MACROD2: variants seen among roughly 807,000 people sequenced by gnomAD.
MACROD2 encodes the protein ADP-ribose glycohydrolase MACROD2.
In MACROD2, 36 loss-of-function variants were observed where a neutral mutation model predicts 70.4. That is an observed-to-expected ratio of 0.51 (90% confidence interval 0.39 to 0.68). The LOEUF is 0.68. Ranked by LOEUF, MACROD2 falls within the 30% of genes least tolerant of loss-of-function variation. The pLI, the probability that MACROD2 is intolerant of heterozygous loss-of-function variation, is 0.00. For synonymous variants in MACROD2, 172 were observed against 178.8 expected, an observed-to-expected ratio of 0.96 and a Z score of 0.30; for missense variants, 496 against 538.4, an observed-to-expected ratio of 0.92 and a Z score of 0.78.
At chr20:14,165,651 T>C (rs1209270942) in intron 3 of MACROD2, among the ~76,000 whole-genome samples, 2 of 152,234 alleles carry the variant, frequency 1.3e-5, no homozygotes, top group Non-Finnish European at 2.9e-5. Context: ...TTTCCTAACA[T>C]TGAAATGTGT....
At chr20:15,672,807 C>T (rs1301243348) in intron 8 of MACROD2, among the ~76,000 whole-genome samples, 1 of 152,166 alleles carries the variant, frequency 6.6e-6, no homozygotes, top group African/African-American at 2.4e-5. Context: ...CCACCCAAAT[C>T]TCATCTTGAA....
chr20:14,159,075 A>G (rs1161607532), intron 3 of MACROD2, among the ~76,000 whole-genome samples: 2 of 152,060 alleles, frequency 1.3e-5, no homozygotes, highest in African/African-American at 4.8e-5. Flanking sequence ...CATCTCTACT[A>G]AAAATACAAA....
At chr20:14,266,202 T>C (rs932729179) in intron 3 of MACROD2, among the ~76,000 whole-genome samples, 29 of 152,214 alleles carry the variant, frequency 1.9e-4, no homozygotes, top group African/African-American at 6.8e-4. Flanking sequence ...CCTAACTCTT[T>C]TGTTAAGTAT....
chr20:15,816,926 A>C (rs1476221995), intron 8 of MACROD2, among the ~76,000 whole-genome samples: 1 of 152,230 alleles, frequency 6.6e-6, no homozygotes, highest in Non-Finnish European at 1.5e-5. Context: ...CTAATGGCTT[A>C]AATGAGGTGC....
At position 14,535,467 on chromosome 20, in the gene MACROD2, T is replaced by C. The variant is rs539313200; in HGVS notation, c.301+41959T>C. On this transcript the variant is annotated intron_variant, in intron 4 of 17. Transcript: ENST00000684519. ...TTGCAGTGAGCCGAGATGGCGCCAT[T>C]GTACTCCAGCCTGTGCAACAAGAGT... Among the ~76,000 whole-genome samples the C allele has an allele frequency of 1.3e-3, 181 of 144,522 alleles. 1 individual carries two copies. Among genetic ancestry groups the C allele is most frequent in the Non-Finnish European group, 2.3e-3 (153 of 67,230 alleles). 94.8% of individuals were successfully genotyped at this position (144,522 alleles called of 152,430 possible).
rs557801313 is a variant in MACROD2, at chr20:16,046,952, G to A, written c.1300+2313G>A. Among the ~76,000 whole-genome samples the A allele has an allele frequency of 2.0e-5, 3 of 152,182 alleles. No individual in the cohort carries two copies. The East Asian group carries it at 5.8e-4, about 29-fold the overall frequency. On this transcript the variant is annotated intron_variant, in intron 17 of 17. Coordinates refer to ENST00000684519, the MANE Select transcript of MACROD2 (RefSeq NM_001351661.2). Reference sequence around the variant, plus strand: ...TTGCCTCGGCCTCCCAAAGTGCTGGGATTAAAGGCCAGGTATCAAAACTTA... The same window carrying A: ...TTGCCTCGGCCTCCCAAAGTGCTGGAATTAAAGGCCAGGTATCAAAACTTA...
chr20:14,645,964 G>T (rs538915547), intron 4 of MACROD2, among the ~76,000 whole-genome samples: 36 of 151,220 alleles, frequency 2.4e-4, no homozygotes, highest in African/African-American at 8.0e-4. Context: ...TTTTTTATTA[G>T]AAATAACTTG....
At chr20:15,595,039 T>C (rs530669166) in intron 8 of MACROD2, among the ~76,000 whole-genome samples, 1 of 152,372 alleles carries the variant, frequency 6.6e-6, no homozygotes, top group African/African-American at 2.4e-5. Context: ...TTTTTGAGCT[T>C]GATACCAATC....
At chr20:15,191,798 A>G (rs952050430) in intron 5 of MACROD2, among the ~76,000 whole-genome samples, 2 of 152,122 alleles carry the variant, frequency 1.3e-5, no homozygotes, top group Non-Finnish European at 2.9e-5. Context: ...CAGCTCAAGG[A>G]TTAGGCAGGA....
intron 5 of MACROD2, among the ~76,000 whole-genome samples, chr20:14,980,207 CTA>C (rs2074784367): frequency 6.6e-6 from 1 of 152,138 alleles, no homozygotes; most frequent in Admixed American, 6.6e-5. Flanking sequence ...CATGAGAACT[CTA>C]TCTCATGAAT....
At chr20:15,499,744 T>A (rs1319143509) in intron 7 of MACROD2, 30 bp from the exon 8 acceptor site, 1 of 1,609,946 alleles carries the variant, frequency 6.2e-7, no homozygotes, top group South Asian at 1.1e-5. Context: ...TCTTTCGTTG[T>A]TCATTTGTTT....
chr20:15,540,495 G>A (rs935116423), intron 8 of MACROD2, among the ~76,000 whole-genome samples: 11 of 152,276 alleles, frequency 7.2e-5, no homozygotes, highest in African/African-American at 2.6e-4. Flanking sequence ...CCAAGGACAA[G>A]ACTTTGAATG....
At chr20:15,935,680 A>T (rs1383787307) in intron 11 of MACROD2, among the ~76,000 whole-genome samples, 1 of 152,238 alleles carries the variant, frequency 6.6e-6, no homozygotes, top group Non-Finnish European at 1.5e-5. Flanking sequence ...CAAAAAATTT[A>T]ACAAATACAT....
chr20:15,189,373 C>G (rs987819714), intron 5 of MACROD2, among the ~76,000 whole-genome samples: 1 of 151,838 alleles, frequency 6.6e-6, no homozygotes, highest in East Asian at 1.9e-4. Flanking sequence ...TGTATGTACA[C>G]GCACATACAC....
At chr20:14,295,191 G>T (rs978203368) in intron 3 of MACROD2, among the ~76,000 whole-genome samples, 3 of 151,852 alleles carry the variant, frequency 2.0e-5, no homozygotes, top group Admixed American at 6.6e-5. Context: ...TTTAAATTCA[G>T]CTTGGAAACA....
In MACROD2 at chr20:15,520,593, C is replaced by G. The variant is rs191159487; in HGVS notation, c.645+20746C>G. Among the ~76,000 whole-genome samples, 425 of 152,264 alleles carry G rather than the reference C, an allele frequency of 2.8e-3. 2 individuals carry two copies. Among genetic ancestry groups the G allele is most frequent in the African/African-American group, 9.8e-3 (408 of 41,550 alleles). On this transcript the variant is annotated intron_variant, in intron 8 of 17. Transcript: ENST00000684519. ...AGATTCCCTCTAGTAACAAAGACCC[C>G]CAACTGCCATGACAATTAATCCTGT...
intron 3 of MACROD2, among the ~76,000 whole-genome samples, chr20:14,243,817 A>G (rs2081947987): frequency 6.6e-6 from 1 of 152,208 alleles, no homozygotes; most frequent in Non-Finnish European, 1.5e-5. Flanking sequence ...CTTAGTGTAC[A>G]TGTTAGGAAA....
In MACROD2 at chr20:14,764,229, C is replaced by T. The variant is rs2072054863; in HGVS notation, c.418+79270C>T. On this transcript the variant is annotated intron_variant, in intron 5 of 17. Transcript: ENST00000684519. ...CCCATTTCTGGCAGAGGCTGTATTC[C>T]TCCAGGACTATGGTCCTGTCCAGAG... Among the ~76,000 whole-genome samples, 3 of 152,076 alleles carry T rather than the reference C, an allele frequency of 2.0e-5. No individual in the cohort carries two copies. The South Asian group carries it at 6.2e-4, about 32-fold the overall frequency.
At chr20:14,925,134 T>TTTTTG (rs2074214242) in intron 5 of MACROD2, among the ~76,000 whole-genome samples, 1 of 152,060 alleles carries the variant, frequency 6.6e-6, no homozygotes, top group African/African-American at 2.4e-5. Flanking sequence ...TCTCCTGTGT[T>TTTTTG]TTTTGTTTTG....
Sources: allele counts gnomAD v4.1 joint callset (sites outside exome capture counted in the v4.1 genomes callset), GRCh38; gene constraint gnomAD v4.1.1; transcripts MANE v1.5; gene names NCBI Gene and HGNC (gene_info 2026-07-23, HGNC 2026-07-21).